The following THSD7A variants were observed in gnomAD, a reference collection of about 807,000 sequenced individuals.
THSD7A encodes the protein thrombospondin type 1 domain containing 7A.
In THSD7A, 96 loss-of-function variants were observed where a neutral mutation model predicts 231.3. The ratio of observed to expected loss-of-function variants is 0.41; its 90% CI spans 0.35 to 0.49. The LOEUF (loss-of-function observed/expected upper bound fraction) is 0.49, where lower values mean the gene tolerates loss of function less well. Among genes scored for constraint, THSD7A ranks in the 20% least tolerant of loss-of-function variants. The pLI, the probability that THSD7A is intolerant of heterozygous loss-of-function variation, is 0.05. For missense variants in THSD7A, 2,290 were observed against 2,070.2 expected, an observed-to-expected ratio of 1.11 and a Z score of -2.06; for synonymous variants, 940 against 743.3, an observed-to-expected ratio of 1.26 and a Z score of -4.30.
chr7:11,798,450 G>A (rs560445831), intron 1 of THSD7A, among the ~76,000 whole-genome samples: 2 of 150,364 alleles, frequency 1.3e-5, no homozygotes, highest in East Asian at 2.0e-4. Context: ...TAGCCTGGGC[G>A]ACAGAGTGAG....
intron 9 of THSD7A, 61 bp from the exon 10 acceptor site, chr7:11,462,204 C>T (rs1314404677): frequency 4.5e-6 from 7 of 1,567,014 alleles, no homozygotes; most frequent in Non-Finnish European, 6.1e-6. Context: ...CTCTAAATAC[C>T]AGTCTGTGTG....
chr7:11,376,572 A>G lies in THSD7A; in HGVS notation c.4887T>C (p.Ala1629=). The change falls in exon 27 of 28, where the codon GCT becomes GCC. Residue 1629 remains alanine (A), a splice_region_variant and synonymous_variant. Coordinates refer to ENST00000423059, the MANE Select transcript of THSD7A (RefSeq NM_015204.3). ...TTTTTAATTATTTAAACACTCACCA[A>G]GCTAGATAAATCATGGAGACAATAA... ...LIFIVSMIYL[A]CKKPKKPQRR... 2 of 1,574,720 alleles carry G rather than the reference A, an allele frequency of 1.3e-6. No individual in the cohort carries two copies. Among genetic ancestry groups the G allele is most frequent in the Non-Finnish European group, 1.7e-6 (2 of 1,158,932 alleles).
In THSD7A at chr7:11,474,662, A is replaced by G. The variant is rs1264764856; in HGVS notation, c.2018-94T>C. On this transcript the variant is annotated intron_variant, in intron 7 of 27. Transcript: ENST00000423059. The surrounding 1 kb of genome is among the most constrained non-coding windows in gnomAD (Gnocchi z 4.1). ...TGGAATTAACATGGCTTAGAAATAA[A>G]AAGTGACTTTTCTTCCCCACATCAA... 9.6e-7 allele frequency: 1 copy of G among 1,045,998 alleles called. No homozygotes were observed. Among genetic ancestry groups the G allele is most frequent in the African/African-American group, 1.6e-5 (1 of 62,164 alleles). The allele number at this position is 1,045,998 out of a possible 1,614,324, so 64.8% of individuals were successfully genotyped here. A position where few individuals can be genotyped will look rare whatever the true frequency, so the allele number is the denominator to read the frequency against.
chr7:11,392,429 G>C (rs554369889), intron 23 of THSD7A, among the ~76,000 whole-genome samples: 1 of 152,274 alleles, frequency 6.6e-6, no homozygotes, highest in Admixed American at 6.5e-5. Context: ...CCAGGGCCTT[G>C]GGTTTCAAGC....
intron 4 of THSD7A, among the ~76,000 whole-genome samples, chr7:11,589,224 T>C (rs890932941): frequency 5.9e-5 from 9 of 152,190 alleles, no homozygotes; most frequent in African/African-American, 2.2e-4. Context: ...CCAAGGTATT[T>C]TCTAGGAAAT....
intron 1 of THSD7A, among the ~76,000 whole-genome samples, chr7:11,699,339 AC>A (rs1173661450): frequency 1.3e-5 from 2 of 151,308 alleles, no homozygotes; most frequent in Non-Finnish European, 3.0e-5. Context: ...TTTATATGAC[AC>A]TTTTTATCTC....
Position 11,636,170 on chromosome 7 carries a change from C to G in THSD7A, c.982G>C (p.Val328Leu), listed in dbSNP as rs763253831. The change falls in exon 2 of 28, where the codon GTT (valine) becomes CTT (leucine). Residue 328 changes from valine to leucine, a missense_variant. Transcript: ENST00000423059. This position sits in a 1 kb window ranked among gnomAD's most constrained non-coding sequence, Gnocchi z 10.0. ...TTCCCCGTCTTGTTAATGCACATAA[C>G]CTCTCTGGTCTGATATCCAATCTGG... Reference protein sequence around the residue: ...DIQIGYQTREVMCINKTGKAA... With the variant: ...DIQIGYQTRELMCINKTGKAA... The G allele has an allele frequency of 1.9e-6, 3 of 1,613,738 alleles. No individual in the cohort carries two copies. The Admixed American group carries it at 5.0e-5, about 27-fold the overall frequency.
intron 11 of THSD7A, among the ~76,000 whole-genome samples, chr7:11,458,889 G>A (rs1785401219): frequency 6.6e-6 from 1 of 152,172 alleles, no homozygotes; most frequent in Non-Finnish European, 1.5e-5. Context: ...CAAACAGGAA[G>A]AGGGAAGAAA....
intron 1 of THSD7A, among the ~76,000 whole-genome samples, chr7:11,753,760 C>T (rs753291689): frequency 7.9e-5 from 12 of 151,508 alleles, no homozygotes; most frequent in Non-Finnish European, 1.2e-4. Context: ...ATTCCTAGCA[C>T]AAACAATGCA....
At chr7:11,395,595 T>G (rs555089439) in intron 23 of THSD7A, among the ~76,000 whole-genome samples, 12 of 151,410 alleles carry the variant, frequency 7.9e-5, no homozygotes, top group Admixed American at 7.9e-4. Flanking sequence ...TGGCACTATC[T>G]CAGCTCACTG....
intron 1 of THSD7A, among the ~76,000 whole-genome samples, chr7:11,644,327 ATTGAT>A (rs1291138381): frequency 1.3e-5 from 2 of 151,990 alleles, no homozygotes; most frequent in South Asian, 4.1e-4. Context: ...TACTAATTGA[ATTGAT>A]TTAATTATAA....
chr7:11,600,717 A>T (rs1040947411), intron 2 of THSD7A, among the ~76,000 whole-genome samples: 8 of 152,214 alleles, frequency 5.3e-5, no homozygotes, highest in African/African-American at 1.9e-4. Context: ...CTTCTGCCTC[A>T]TCATTCAGTT....
At chr7:11,664,308 G>T (rs1418093752) in intron 1 of THSD7A, among the ~76,000 whole-genome samples, 2 of 151,830 alleles carry the variant, frequency 1.3e-5, no homozygotes, top group Non-Finnish European at 2.9e-5. Context: ...ATAACAGATG[G>T]CTGGGAGTAG....
chr7:11,599,439 C>G, intron 2 of THSD7A, among the ~76,000 whole-genome samples: 1 of 152,190 alleles, frequency 6.6e-6, no homozygotes, highest in African/African-American at 2.4e-5. Flanking sequence ...AGTATTTCCT[C>G]CTTCTTTTGT....
chr7:11,507,516 A>G (rs1273220413), intron 6 of THSD7A, among the ~76,000 whole-genome samples: 1 of 151,734 alleles, frequency 6.6e-6, no homozygotes, highest in East Asian at 1.9e-4. Context: ...AGTAACAAAA[A>G]TATTATCCTT....
chr7:11,416,396 C>T (rs1255941188), intron 17 of THSD7A, among the ~76,000 whole-genome samples: 2 of 152,172 alleles, frequency 1.3e-5, no homozygotes, highest in East Asian at 3.8e-4. Context: ...CTGTTATAAA[C>T]ACAGACAGTG....
chr7:11,381,505 G>A (rs543727428), intron 24 of THSD7A, among the ~76,000 whole-genome samples: 3 of 152,224 alleles, frequency 2.0e-5, no homozygotes, highest in East Asian at 1.9e-4. Context: ...GTTTCTTACT[G>A]TATATATTAA....
chr7:11,659,088 C>T (rs1485834539), intron 1 of THSD7A, among the ~76,000 whole-genome samples: 1 of 151,634 alleles, frequency 6.6e-6, no homozygotes, highest in Non-Finnish European at 1.5e-5. Context: ...TAATTAATCT[C>T]CAACTCTTCC....
chr7:11,698,684 G>A (rs1780476887), intron 1 of THSD7A, among the ~76,000 whole-genome samples: 1 of 151,212 alleles, frequency 6.6e-6, no homozygotes, highest in Admixed American at 6.6e-5. Flanking sequence ...GAGCTGTTCT[G>A]GGCTGATTCT....
Sources: allele counts gnomAD v4.1 joint callset (sites outside exome capture counted in the v4.1 genomes callset), GRCh38; gene constraint gnomAD v4.1.1; non-coding constraint Gnocchi (gnomAD v3.1); transcripts MANE v1.5; gene names NCBI Gene and HGNC (gene_info 2026-07-23, HGNC 2026-07-21).